The following MTMR3 variants were observed in gnomAD, a reference collection of about 807,000 sequenced individuals.
The protein encoded by MTMR3 is phosphatidylinositol-3,5-bisphosphate 3-phosphatase MTMR3.
Under a neutral mutation model 132.4 loss-of-function variants are expected in MTMR3, and 32 were observed. The ratio of observed to expected loss-of-function variants is 0.24; its 90% CI spans 0.18 to 0.32. The LOEUF (loss-of-function observed/expected upper bound fraction) is 0.32. MTMR3 is among the 10% of genes least tolerant of loss of function. MTMR3 has a pLI of 1.00. For synonymous variants in MTMR3, 556 were observed against 550.3 expected (o/e 1.01, Z -0.14); for missense variants, 1,216 against 1,489.6 (o/e 0.82, Z 3.02).
chr22:29,964,817 C>T (rs2066381840), intron 2 of MTMR3, among the ~76,000 whole-genome samples: 1 of 152,202 alleles, frequency 6.6e-6, no homozygotes, highest in East Asian at 1.9e-4. Flanking sequence ...TAAAACCTGT[C>T]AATGGCTCCC....
chr22:29,897,499 C>G (rs1247094977), intron 1 of MTMR3, among the ~76,000 whole-genome samples: 1 of 152,148 alleles, frequency 6.6e-6, no homozygotes, highest in Non-Finnish European at 1.5e-5. Flanking sequence ...GTTGCCCATA[C>G]TGATGTGCAG....
At chr22:29,966,431 A>G (rs371482308) in intron 2 of MTMR3, among the ~76,000 whole-genome samples, 6 of 152,012 alleles carry the variant, frequency 3.9e-5, no homozygotes, top group African/African-American at 1.5e-4. Flanking sequence ...TTTCCCTTCT[A>G]TGTCGGTCTT....
At chr22:29,895,265 C>T (rs1422314787) in intron 1 of MTMR3, among the ~76,000 whole-genome samples, 1 of 151,966 alleles carries the variant, frequency 6.6e-6, no homozygotes, top group African/African-American at 2.4e-5. Flanking sequence ...TAGGTGGGTG[C>T]AAAATTAATT....
At chr22:29,919,747 T>C (rs245008) in intron 1 of MTMR3, among the ~76,000 whole-genome samples, 95,566 of 151,872 alleles carry the variant, frequency 0.63, 30,669 homozygotes, top group East Asian at 0.8. Context: ...AGGCTAGTCT[T>C]GAACTCCTGA....
rs1263309459 is a variant in MTMR3, at chr22:30,026,996, TC to T, written c.*1197del. 6.5e-6 allele frequency: 1 copy of T among 152,814 alleles called. No individual in the cohort carries two copies. The highest frequency in any genetic ancestry group is 1.5e-5 in the Non-Finnish European group (1 of 68,066). 9.5% of individuals were successfully genotyped at this position (152,814 alleles called of 1,614,324 possible). A position where few individuals can be genotyped will look rare whatever the true frequency, so the allele number is the denominator to read the frequency against. ...GGGCCACTTGGTGACTTCGTAGGGT[TC>T]CTTAGAGAAGTGACATGGCCTTGAG... On this transcript the variant is annotated 3_prime_UTR_variant, in exon 20 of 20. Transcript: ENST00000401950.
At chr22:29,937,037 C>G in intron 1 of MTMR3, among the ~76,000 whole-genome samples, 1 of 151,882 alleles carries the variant, frequency 6.6e-6, no homozygotes, top group East Asian at 1.9e-4. Context: ...GTCAAGCACC[C>G]CCCTTCTACA....
intron 2 of MTMR3, among the ~76,000 whole-genome samples, chr22:29,963,392 CTTTTTTT>C (rs1204239353): frequency 3.0e-5 from 4 of 135,038 alleles, no homozygotes; most frequent in African/African-American, 1.1e-4. Flanking sequence ...CACTTAATTC[CTTTTTTT>C]TTTTTTTTTT....
chr22:29,901,116 C>T (rs181076423), intron 1 of MTMR3, among the ~76,000 whole-genome samples: 76 of 151,974 alleles, frequency 5.0e-4, no homozygotes, highest in African/African-American at 1.8e-3. Context: ...TATTTTGAAC[C>T]AAAATTAGGA....
At chr22:29,894,842 T>C (rs1436209683) in intron 1 of MTMR3, among the ~76,000 whole-genome samples, 8 of 152,222 alleles carry the variant, frequency 5.3e-5, no homozygotes. Flanking sequence ...CTTCTGTGAA[T>C]GGATAACATA....
chr22:29,988,764 G>A, intron 6 of MTMR3: 13 of 314,094 alleles, frequency 4.1e-5, no homozygotes, highest in South Asian at 1.9e-4. Context: ...TTTTTAATTT[G>A]GAAATAATTT....
At chr22:29,978,402 AGAAGCTTT>A in intron 3 of MTMR3, 32 bp from the exon 4 acceptor site, 1 of 1,517,754 alleles carries the variant, frequency 6.6e-7, no homozygotes, top group Non-Finnish European at 9.1e-7. Flanking sequence ...ATGAATGATT[AGAAGCTTT>A]GAAATTATTT....
chr22:29,902,099 G>C (rs2065012041), intron 1 of MTMR3, among the ~76,000 whole-genome samples: 1 of 151,964 alleles, frequency 6.6e-6, no homozygotes, highest in African/African-American at 2.4e-5. Flanking sequence ...AACTTTATTA[G>C]AGAACCTGAA....
chr22:30,009,454 AG>A lies in MTMR3; in HGVS notation c.1121+326del, dbSNP rs2067355858. ...GACCTTTCCCTTCCACGTCATTTTT[AG>A]CCCAAAGAAATTTAATTCTTCAGTT... On this transcript the variant is annotated intron_variant, in intron 12 of 19. Coordinates refer to ENST00000401950, the MANE Select transcript of MTMR3 (RefSeq NM_021090.4). 10 of 236,182 alleles carry A rather than the reference AG, an allele frequency of 4.2e-5. No individual in the cohort carries two copies. In the South Asian group the frequency reaches 7.2e-4, roughly 17 times the overall value. The allele number at this position is 236,182 out of a possible 1,614,324, so 14.6% of individuals were successfully genotyped here. A position where few individuals can be genotyped will look rare whatever the true frequency, so the allele number is the denominator to read the frequency against.
intron 3 of MTMR3, among the ~76,000 whole-genome samples, chr22:29,974,678 C>A (rs1027707152): frequency 6.6e-6 from 1 of 152,126 alleles, no homozygotes; most frequent in Non-Finnish European, 1.5e-5. Context: ...TCTTTACAAG[C>A]CTGCTACATT....
chr22:29,889,907 C>CT (rs11399020), intron 1 of MTMR3, among the ~76,000 whole-genome samples: 89,643 of 124,756 alleles, frequency 0.72, 33,456 homozygotes, highest in East Asian at 0.86. Context: ...AGGATAAATT[C>CT]TTTTTTTTTT....
chr22:30,021,258 T>C (rs920186411), intron 17 of MTMR3: 1 of 241,946 alleles, frequency 4.1e-6, no homozygotes, highest in Non-Finnish European at 8.1e-6. Flanking sequence ...GTGCCTGTTC[T>C]GCCTTAGTAA....
At chr22:29,949,137 ACACACACCCCCCCCCCCC>A (rs1415281378) in intron 1 of MTMR3, among the ~76,000 whole-genome samples, 1 of 35,752 alleles carries the variant, frequency 2.8e-5, no homozygotes, top group African/African-American at 1.5e-4. Context: ...ACACACACAC[ACACACACCCCCCCCCCCC>A]CCCCCGAGGC....
intron 10 of MTMR3, 71 bp from the exon 11 acceptor site, chr22:30,007,830 G>A: frequency 6.5e-7 from 1 of 1,543,102 alleles, no homozygotes; most frequent in East Asian, 2.3e-5. Flanking sequence ...AGATGTGCTT[G>A]TGGGTCTAAT....
chr22:30,014,446 T>A (rs1409432518), intron 14 of MTMR3: 1 of 152,176 alleles, frequency 6.6e-6, no homozygotes, highest in Non-Finnish European at 1.5e-5. Context: ...AGTTCTCCTT[T>A]TACCTTACTG....
Sources: gnomAD v4.1 joint callset for allele counts (sites outside exome capture counted in the v4.1 genomes callset) on GRCh38, gnomAD v4.1.1 for gene constraint, MANE v1.5 for transcripts, NCBI Gene and HGNC (gene_info 2026-07-23, HGNC 2026-07-21) for gene names.